YES1: variants seen among roughly 807,000 people sequenced by gnomAD.
The protein encoded by YES1 is tyrosine-protein kinase Yes.
YES1 carries 39 observed loss-of-function variants against 70.4 expected under a neutral mutation model. That is an observed-to-expected ratio of 0.55 (90% CI 0.43 to 0.72). The LOEUF is 0.72. Ranked by LOEUF, YES1 falls within the 30% of genes least tolerant of loss-of-function variation. The pLI is 0.00. For synonymous variants in YES1, 198 were observed against 218.6 expected (o/e 0.91, Z 0.83); for missense variants, 495 against 644.8 (o/e 0.77, Z 2.52).
At chr18:787,019 T>C (rs1308815709) in intron 1 of YES1, among the ~76,000 whole-genome samples, 13 of 149,936 alleles carry the variant, frequency 8.7e-5, no homozygotes, top group African/African-American at 3.2e-4. Flanking sequence ...TGACTATATA[T>C]GAATATTGAT....
chr18:788,010 T>C (rs944256416), intron 1 of YES1: 5 of 152,234 alleles, frequency 3.3e-5, no homozygotes, highest in African/African-American at 1.2e-4. Flanking sequence ...AAACAGCACG[T>C]ATATGAGAAA....
intron 8 of YES1, among the ~76,000 whole-genome samples, chr18:740,130 G>C (rs1420137326): frequency 6.6e-6 from 1 of 152,106 alleles, no homozygotes; most frequent in Non-Finnish European, 1.5e-5. Context: ...ATATTTTTAA[G>C]TAAATCTGAA....
intron 1 of YES1, among the ~76,000 whole-genome samples, chr18:757,756 A>T (rs188966962): frequency 5.0e-4 from 76 of 152,034 alleles, no homozygotes; most frequent in South Asian, 1.2e-3. Context: ...CAGGAGGAAG[A>T]GGTTGCAGTA....
At chr18:809,134 A>C (rs1250660926) in intron 1 of YES1, among the ~76,000 whole-genome samples, 1 of 152,226 alleles carries the variant, frequency 6.6e-6, no homozygotes, top group Non-Finnish European at 1.5e-5. Flanking sequence ...CATTTTGATT[A>C]TCTTCTATTG....
At position 732,195 on chromosome 18, in the gene YES1, T is replaced by G. The variant is rs552859249; in HGVS notation, c.1423+639A>C. 5.1e-4 allele frequency among the ~76,000 whole-genome samples: 78 copies of G among 151,648 alleles called. 1 individual carries two copies. The highest frequency in any genetic ancestry group is 1.4e-3 in the African/African-American group (59 of 41,388). On this transcript the variant is annotated intron_variant, in intron 11 of 11. Transcript: ENST00000314574. ...GGCTCACGCCTGTAATCCCAGCACT[T>G]TGGGAGGCCTAGGCAGGTGGATCAC...
At chr18:769,337 T>C (rs1905057012) in intron 1 of YES1, among the ~76,000 whole-genome samples, 1 of 152,220 alleles carries the variant, frequency 6.6e-6, no homozygotes, top group Non-Finnish European at 1.5e-5. Context: ...TTTTATAGGT[T>C]CTACAGTATT....
At chr18:787,859 C>A (rs1419311609) in intron 1 of YES1, 1 of 152,076 alleles carries the variant, frequency 6.6e-6, no homozygotes, top group African/African-American at 2.4e-5. Context: ...TGATATTAAT[C>A]CATAGATCGA....
chr18:803,456 T>C (rs936468476), intron 1 of YES1, among the ~76,000 whole-genome samples: 1 of 152,214 alleles, frequency 6.6e-6, no homozygotes, highest in African/African-American at 2.4e-5. Context: ...CTCCATATTG[T>C]AACACTCCTC....
At chr18:741,825 GCAAA>G (rs1057152530) in intron 8 of YES1, among the ~76,000 whole-genome samples, 4 of 151,992 alleles carry the variant, frequency 2.6e-5, no homozygotes, top group African/African-American at 9.7e-5. Context: ...AAACAAACAA[GCAAA>G]CAAACAAAAA....
chr18:748,079 G>T, intron 3 of YES1, 61 bp from the exon 4 acceptor site: 1 of 1,368,174 alleles, frequency 7.3e-7, no homozygotes, highest in Non-Finnish European at 1.0e-6. Flanking sequence ...ACAATATATT[G>T]CAGTGCTATC....
At chr18:800,620 A>T (rs1906770959) in intron 1 of YES1, among the ~76,000 whole-genome samples, 2 of 152,250 alleles carry the variant, frequency 1.3e-5, no homozygotes, top group Non-Finnish European at 2.9e-5. Context: ...AAGCCAAAGA[A>T]GAAAAGGCTA....
intron 1 of YES1, among the ~76,000 whole-genome samples, chr18:793,201 G>A (rs773043073): frequency 1.3e-5 from 2 of 151,926 alleles, no homozygotes; most frequent in South Asian, 2.1e-4. Context: ...CACCATGCCC[G>A]GATGATTTTT....
Position 756,568 on chromosome 18 carries a change from G to C in YES1, c.260C>G (p.Ala87Gly), listed in dbSNP as rs768402137. Residue 87 changes from alanine to glycine, a missense_variant, in exon 2 of 12, where the codon GCT becomes GGT. Transcript: ENST00000314574. ...CATTTAAATCTCACCTGTTAAACCA[G>C]CAGGATATGAACTTGGCACCACTGA... Reference protein sequence around the residue: ...SFSVVPSSYPAGLTGGVTIFV... With the variant: ...SFSVVPSSYPGGLTGGVTIFV... 39 of 1,614,004 alleles carry C rather than the reference G, an allele frequency of 2.4e-5. No individual in the cohort carries two copies. Among genetic ancestry groups the C allele is most frequent in the Middle Eastern group, 3.3e-4 (2 of 6,084 alleles).
At chr18:731,783 C>A (rs561699864) in intron 11 of YES1, among the ~76,000 whole-genome samples, 4 of 151,652 alleles carry the variant, frequency 2.6e-5, no homozygotes, top group East Asian at 1.9e-4. Flanking sequence ...CTGGTTAACA[C>A]GGTGAAACCC....
rs34461070 is a variant in YES1 at position 787,709 on chromosome 18, C to CA, written c.-9+24404dup. On this transcript the variant is annotated intron_variant, in intron 1 of 11. Coordinates refer to ENST00000314574, the MANE Select transcript of YES1 (RefSeq NM_005433.4). ...TGGGCAACAGAGTGAGACTCTGTCT[C>CA]AAAAAAAAAAAAATATTCTGTTGAA... 1.0e-3 allele frequency among the ~76,000 whole-genome samples: 146 copies of CA among 139,448 alleles called. 1 individual carries two copies. Among genetic ancestry groups the CA allele is most frequent in the South Asian group, 4.3e-3 (19 of 4,420 alleles). The allele number at this position is 139,448 out of a possible 152,430, so 91.5% of individuals were successfully genotyped here.
chr18:805,254 C>T (rs1274763528), intron 1 of YES1, among the ~76,000 whole-genome samples: 3 of 152,120 alleles, frequency 2.0e-5, no homozygotes, highest in African/African-American at 7.2e-5. Flanking sequence ...AGGCTACAAA[C>T]CTGTACAGCA....
Position 758,829 on chromosome 18 carries a change from C to T in YES1, c.-8-1994G>A, listed in dbSNP as rs537672892. 3.9e-5 allele frequency among the ~76,000 whole-genome samples: 6 copies of T among 152,258 alleles called. No homozygotes were observed. In the South Asian group the frequency reaches 1.2e-3, roughly 32 times the overall value. ...TGTGCTTTACTCATCGCTTACCTAC[C>T]GTATTATCTATCATATAGGTTTACT... On this transcript the variant is annotated intron_variant, in intron 1 of 11. Coordinates refer to ENST00000314574, the MANE Select transcript of YES1 (RefSeq NM_005433.4).
At chr18:751,859 A>T in intron 2 of YES1, 55 bp from the exon 3 acceptor site, 1 of 863,232 alleles carries the variant, frequency 1.2e-6, no homozygotes, top group Non-Finnish European at 1.8e-6. Flanking sequence ...AACAAAACAG[A>T]AAAAAAGAAC....
At chr18:805,859 C>T (rs569736307) in intron 1 of YES1, among the ~76,000 whole-genome samples, 104 of 152,254 alleles carry the variant, frequency 6.8e-4, no homozygotes, top group Non-Finnish European at 1.1e-3. Flanking sequence ...CTACTTAATG[C>T]TAAGAAACTG....
Sources: gnomAD v4.1 joint callset for allele counts (sites outside exome capture counted in the v4.1 genomes callset) on GRCh38, gnomAD v4.1.1 for gene constraint, MANE v1.5 for transcripts, NCBI Gene and HGNC (gene_info 2026-07-23, HGNC 2026-07-21) for gene names.